CASP5: variants seen among roughly 807,000 people sequenced by gnomAD.
The protein encoded by CASP5 is caspase 5.
A neutral mutation model predicts 45.2 loss-of-function variants in CASP5; 42 were observed. The observed-to-expected ratio is 0.93, with a 90% confidence interval of 0.73 to 1.20. The LOEUF (loss-of-function observed/expected upper bound fraction) is 1.20. Ranked by LOEUF, CASP5 falls within the 50% of genes most tolerant of loss-of-function variation. The probability of loss-of-function intolerance (pLI) is 0.00; values close to 1 mark genes in which losing one functional copy is unlikely to be tolerated. For synonymous variants in CASP5, 209 were observed against 186.2 expected (o/e 1.12, Z -1.00); for missense variants, 512 against 532.2 (o/e 0.96, Z 0.37).
At chr11:105,014,606 A>G (rs953119828) in intron 1 of CASP5, among the ~76,000 whole-genome samples, 14 of 152,182 alleles carry the variant, frequency 9.2e-5, no homozygotes, top group Non-Finnish European at 1.6e-4. Flanking sequence ...TATTTAATAA[A>G]AGGTAAGTAA....
chr11:105,023,076 A>G, intron 1 of CASP5, 54 bp downstream of exon 1: 2 of 1,534,866 alleles, frequency 1.3e-6, no homozygotes, highest in Non-Finnish European at 1.8e-6. Flanking sequence ...ATAAATCAAG[A>G]TTTTTCTAAG....
chr11:105,001,983 C>T (rs1861754044), intron 5 of CASP5, 45 bp downstream of exon 5: 1 of 1,571,518 alleles, frequency 6.4e-7, no homozygotes, highest in African/African-American at 1.4e-5. Flanking sequence ...TTAGAAGAAT[C>T]TGTGTTGCCT....
chr11:104,997,602 C>T, intron 7 of CASP5, 110 bp from the exon 8 acceptor site: 1 of 590,630 alleles, frequency 1.7e-6, no homozygotes, highest in South Asian at 2.2e-5. Flanking sequence ...TATGGAAATC[C>T]CTTATAACCA....
intron 7 of CASP5, among the ~76,000 whole-genome samples, chr11:104,997,852 T>A (rs911411680): frequency 1.3e-5 from 2 of 152,172 alleles, no homozygotes; most frequent in African/African-American, 4.8e-5. Context: ...AATAAACTTT[T>A]AGGTTCAGTG....
chr11:105,003,370 G>A lies in CASP5; in HGVS notation c.447C>T (p.Ile149=), dbSNP rs367770147. The change falls in exon 4 of 10, where the codon ATC becomes ATT. Residue 149 remains isoleucine, a synonymous_variant. Coordinates refer to ENST00000260315, the MANE Select transcript of CASP5 (RefSeq NM_004347.5). ...KITSVKPLLQ[I]EAGPPESAES... is the part of the protein sequence containing the mutation. ...CTGCTGACTCAGGTGGTCCAGCCTC[G>A]ATTTGCAGAAGAGCTGTGGGATATC... is the stretch of plus-strand genomic sequence containing the variant. 1.5e-4 allele frequency: 240 copies of A among 1,592,446 alleles called. No homozygotes were observed. The highest frequency in any genetic ancestry group is 4.0e-4 in the Admixed American group (23 of 57,252).
chr11:105,020,075 A>C lies in CASP5; in HGVS notation c.7+3055T>G, dbSNP rs569982217. Among the ~76,000 whole-genome samples the C allele has an allele frequency of 2.1e-5, 3 of 145,780 alleles. 1 individual carries two copies. Among genetic ancestry groups the C allele is most frequent in the Non-Finnish European group, 4.6e-5 (3 of 65,686 alleles). ...AAAAACCACGTGATTATCTCAATAG[A>C]TGCAGAAAAGTTCTTTGACAAAATT... On this transcript the variant is annotated intron_variant, in intron 1 of 9. Transcript: ENST00000260315.
At chr11:105,013,659 A>G (rs1862456426) in intron 1 of CASP5, among the ~76,000 whole-genome samples, 1 of 152,100 alleles carries the variant, frequency 6.6e-6, no homozygotes, top group Non-Finnish European at 1.5e-5. Flanking sequence ...AATGACTCAA[A>G]TTTATGGATC....
chr11:104,999,114 T>TA, intron 6 of CASP5, 86 bp from the exon 7 acceptor site: 1 of 1,173,588 alleles, frequency 8.5e-7, no homozygotes, highest in Non-Finnish European at 1.2e-6. Context: ...GTTACATAGT[T>TA]ACGCATGTAC....
chr11:105,001,569 G>A lies in CASP5; in HGVS notation c.717+459C>T, dbSNP rs549222398. The stretch of plus-strand genomic sequence containing the variant: ...TAGCCCCAGCTACTCGGTAGGGCAG[G>A]AGAATCGCTTGTGGAAGGTGAATGT... On this transcript the variant is annotated intron_variant, in intron 5 of 9. Coordinates refer to ENST00000260315, the MANE Select transcript of CASP5 (RefSeq NM_004347.5). 5.3e-5 allele frequency among the ~76,000 whole-genome samples: 8 copies of A among 152,280 alleles called. No homozygotes were observed. In the South Asian group the frequency reaches 1.5e-3, roughly 28 times the overall value.
intron 1 of CASP5, among the ~76,000 whole-genome samples, chr11:105,017,034 C>T (rs1252796367): frequency 1.3e-5 from 2 of 151,662 alleles, no homozygotes; most frequent in African/African-American, 4.9e-5. Flanking sequence ...GAGGCACCCC[C>T]CAGCAGGGGC....
intron 3 of CASP5, among the ~76,000 whole-genome samples, chr11:105,004,223 A>G (rs2134710929): frequency 6.6e-6 from 1 of 152,306 alleles, no homozygotes; most frequent in South Asian, 2.1e-4. Context: ...AGGGACAAAT[A>G]TTTGTATGAG....
chr11:104,999,067 T>G, intron 6 of CASP5, 39 bp from the exon 7 acceptor site: 1 of 1,547,540 alleles, frequency 6.5e-7, no homozygotes, highest in Non-Finnish European at 8.7e-7. Flanking sequence ...TTATGTTACT[T>G]TAAGTTCCAG....
chr11:105,019,015 TC>T (rs1464778595), intron 1 of CASP5, among the ~76,000 whole-genome samples: 2 of 145,570 alleles, frequency 1.4e-5, no homozygotes, highest in African/African-American at 5.0e-5. Context: ...TCAAAACCAC[TC>T]AACTACATGG....
intron 1 of CASP5, among the ~76,000 whole-genome samples, chr11:105,009,718 CACATATAT>C (rs57817221): frequency 0.032 from 2,631 of 83,504 alleles, 88 homozygotes; most frequent in Non-Finnish European, 0.037. Flanking sequence ...TATATATACA[CACATATAT>C]ATATATATAT....
At chr11:105,007,448 C>T (rs1862065836) in intron 2 of CASP5, 114 bp from the exon 3 acceptor site, 2 of 1,038,598 alleles carry the variant, frequency 1.9e-6, no homozygotes, top group African/African-American at 3.2e-5. Context: ...TCTATTTTAC[C>T]ATGTCTCCAG....
intron 3 of CASP5, among the ~76,000 whole-genome samples, chr11:105,006,228 T>A (rs1861994216): frequency 6.6e-6 from 1 of 152,224 alleles, no homozygotes; most frequent in Admixed American, 6.5e-5. Flanking sequence ...TCCCTGATCA[T>A]AATTTTGTAA....
chr11:105,005,356 A>ATGTGTGTGTGTGTG (rs5794366), intron 3 of CASP5, among the ~76,000 whole-genome samples: 61 of 139,338 alleles, frequency 4.4e-4, no homozygotes, highest in Middle Eastern at 3.6e-3. Flanking sequence ...GTATATATAT[A>ATGTGTGTGTGTGTG]TGTGTGTGTG....
At chr11:105,017,571 G>A (rs369586539) in intron 1 of CASP5, among the ~76,000 whole-genome samples, 1 of 151,864 alleles carries the variant, frequency 6.6e-6, no homozygotes, top group African/African-American at 2.4e-5. Flanking sequence ...GGAAGATGAA[G>A]TGAATGAAAT....
rs369278753 is a variant in CASP5, at chr11:104,999,048, CT to C, written c.953-21del. ...GTTTTTCTGTAGAGACATCAACTTT[CT>C]TTTTTTTTTATGTTACTTTAAGTTC... is the stretch of plus-strand genomic sequence containing the variant. On this transcript the variant is annotated intron_variant, in intron 6 of 9. Coordinates refer to ENST00000260315, the MANE Select transcript of CASP5 (RefSeq NM_004347.5). 5,331 of 1,372,824 alleles carry C rather than the reference CT, an allele frequency of 3.9e-3. 1 individual carries two copies. Among genetic ancestry groups the C allele is most frequent in the African/African-American group, 7.8e-3 (522 of 66,962 alleles). The allele number at this position is 1,372,824 out of a possible 1,614,324, so 85.0% of individuals were successfully genotyped here. A position where few individuals can be genotyped will look rare whatever the true frequency, so the allele number is the denominator to read the frequency against.
Sources: allele counts gnomAD v4.1 joint callset (sites outside exome capture counted in the v4.1 genomes callset), GRCh38; gene constraint gnomAD v4.1.1; transcripts MANE v1.5; gene names NCBI Gene and HGNC (gene_info 2026-07-23, HGNC 2026-07-21).